Variants in C1orf21 observed in about 807,000 individuals in gnomAD.
C1orf21 encodes the protein chromosome 1 open reading frame 21.
A neutral mutation model predicts 18.7 loss-of-function variants in C1orf21; 3 were observed. The observed-to-expected ratio is 0.16, with a 90% CI of 0.07 to 0.42. C1orf21 has a LOEUF of 0.42. C1orf21 is among the 10% of genes least tolerant of loss of function. The pLI is 0.99. For synonymous variants in C1orf21, 41 were observed against 46.4 expected (o/e 0.88, Z 0.47); for missense variants, 104 against 143.6 (o/e 0.72, Z 1.41).
chr1:184,542,638 A>G (rs1468018070), intron 3 of C1orf21: 3 of 152,200 alleles, frequency 2.0e-5, no homozygotes, highest in Non-Finnish European at 4.4e-5. Context: ...TCCTTCCTAC[A>G]TGGAGAGGTG....
intron 3 of C1orf21, among the ~76,000 whole-genome samples, chr1:184,557,709 A>G (rs1658898343): frequency 6.6e-6 from 1 of 152,224 alleles, no homozygotes; most frequent in East Asian, 1.9e-4. Context: ...GAGAAGCTCA[A>G]TTTAAAACCT....
At chr1:184,468,887 C>T (rs1018194737) in intron 1 of C1orf21, among the ~76,000 whole-genome samples, 1 of 151,428 alleles carries the variant, frequency 6.6e-6, no homozygotes, top group African/African-American at 2.4e-5. Context: ...CATTGCACTC[C>T]AGCCTGGGCA....
At chr1:184,558,121 C>G (rs1057075994) in intron 3 of C1orf21, among the ~76,000 whole-genome samples, 1 of 152,210 alleles carries the variant, frequency 6.6e-6, no homozygotes, top group Non-Finnish European at 1.5e-5. Flanking sequence ...GTTTCTCCAG[C>G]TGATTTTCTG....
chr1:184,452,688 A>T (rs577333743), intron 1 of C1orf21, among the ~76,000 whole-genome samples: 2 of 152,310 alleles, frequency 1.3e-5, no homozygotes, highest in African/African-American at 4.8e-5. Context: ...TAATACAAAG[A>T]AGTTCCATGA....
At chr1:184,502,929 T>G (rs2101961648) in intron 2 of C1orf21, among the ~76,000 whole-genome samples, 1 of 151,584 alleles carries the variant, frequency 6.6e-6, no homozygotes, top group East Asian at 1.9e-4. Flanking sequence ...AATACAAAAA[T>G]TAGGCAGGCA....
chr1:184,564,267 A>G (rs1659003701), intron 3 of C1orf21, among the ~76,000 whole-genome samples: 2 of 152,196 alleles, frequency 1.3e-5, no homozygotes. Context: ...GATAGAACAC[A>G]GCTGTTGGTC....
chr1:184,479,054 G>A (rs915892466), intron 2 of C1orf21, among the ~76,000 whole-genome samples: 30 of 152,334 alleles, frequency 2.0e-4, no homozygotes, highest in Non-Finnish European at 2.9e-4. Flanking sequence ...AAGTGGACTC[G>A]TGTGTTTGGG....
intron 2 of C1orf21, among the ~76,000 whole-genome samples, chr1:184,503,007 G>A (rs866965657): frequency 6.1e-4 from 88 of 144,012 alleles, no homozygotes; most frequent in Admixed American, 1.1e-3. Context: ...GAGCCTGGGA[G>A]ATGGAGGTTG....
chr1:184,595,309 C>G (rs1299638960), intron 4 of C1orf21, among the ~76,000 whole-genome samples: 1 of 152,138 alleles, frequency 6.6e-6, no homozygotes, highest in Non-Finnish European at 1.5e-5. Context: ...TTTCTAATAT[C>G]TTGAAAAAAG....
At chr1:184,514,925 T>C (rs1381725784) in intron 3 of C1orf21, among the ~76,000 whole-genome samples, 1 of 152,224 alleles carries the variant, frequency 6.6e-6, no homozygotes. Context: ...GGTATCCATA[T>C]ATGTATAGTT....
intron 3 of C1orf21, among the ~76,000 whole-genome samples, chr1:184,536,347 T>C (rs1275008467): frequency 2.2e-5 from 2 of 89,810 alleles, no homozygotes; most frequent in Non-Finnish European, 4.5e-5. Flanking sequence ...GCTCACCCTG[T>C]GGTTGAGTCT....
At chr1:184,615,349 A>G (rs896768659) in intron 5 of C1orf21, among the ~76,000 whole-genome samples, 5 of 152,136 alleles carry the variant, frequency 3.3e-5, no homozygotes, top group Non-Finnish European at 5.9e-5. Context: ...GGTTCTTTCA[A>G]ACAAGCCTTC....
intron 1 of C1orf21, among the ~76,000 whole-genome samples, chr1:184,392,866 TCAC>T: frequency 7.4e-6 from 1 of 134,702 alleles, no homozygotes. Context: ...TTTCATTCTG[TCAC>T]CCAGGCTAGA....
intron 1 of C1orf21, among the ~76,000 whole-genome samples, chr1:184,465,158 C>T (rs921436954): frequency 4.6e-5 from 7 of 152,134 alleles, no homozygotes; most frequent in African/African-American, 1.2e-4. Context: ...ACCCTAAAGG[C>T]ATTAGTTAAT....
In C1orf21 at chr1:184,626,292, T is replaced by C. The variant is rs1660008894; in HGVS notation, c.*6736T>C. The C allele has an allele frequency of 6.6e-6, 1 of 152,186 alleles. No individual in the cohort carries two copies. The highest frequency in any genetic ancestry group is 6.5e-5 in the Admixed American group (1 of 15,276). 9.4% of individuals were successfully genotyped at this position (152,186 alleles called of 1,614,324 possible). A position where few individuals can be genotyped will look rare whatever the true frequency, so the allele number is the denominator to read the frequency against. On this transcript the variant is annotated 3_prime_UTR_variant, in exon 6 of 6. Coordinates refer to ENST00000235307, the MANE Select transcript of C1orf21 (RefSeq NM_030806.4). ...GTGGCAGCCAGCCCAGTTTTGGCAATCAGGGGCTTCCTGAAAGAGGTGACA... is the reference window on the plus strand; with the variant it reads ...GTGGCAGCCAGCCCAGTTTTGGCAACCAGGGGCTTCCTGAAAGAGGTGACA...
At chr1:184,530,001 G>A (rs1041483354) in intron 3 of C1orf21, among the ~76,000 whole-genome samples, 3 of 152,086 alleles carry the variant, frequency 2.0e-5, no homozygotes, top group South Asian at 4.2e-4. Context: ...ACTTTTACAC[G>A]CTTCACCTTT....
At chr1:184,502,657 T>C (rs1003976224) in intron 2 of C1orf21, among the ~76,000 whole-genome samples, 1 of 152,190 alleles carries the variant, frequency 6.6e-6, no homozygotes, top group Non-Finnish European at 1.5e-5. Context: ...TTTACAAATA[T>C]GTACAGTCTT....
chr1:184,512,213 G>A (rs972843272), intron 3 of C1orf21, among the ~76,000 whole-genome samples: 8 of 152,086 alleles, frequency 5.3e-5, no homozygotes, highest in Non-Finnish European at 4.4e-5. Context: ...TTATTCATTC[G>A]GATTATATCC....
intron 3 of C1orf21, among the ~76,000 whole-genome samples, chr1:184,580,699 A>G (rs1301804535): frequency 6.6e-6 from 1 of 152,246 alleles, no homozygotes; most frequent in African/African-American, 2.4e-5. Context: ...AAGCTTCACC[A>G]TAAATTTGTG....
Sources: allele counts gnomAD v4.1 joint callset (sites outside exome capture counted in the v4.1 genomes callset), GRCh38; gene constraint gnomAD v4.1.1; transcripts MANE v1.5; gene names NCBI Gene and HGNC (gene_info 2026-07-23, HGNC 2026-07-21).